The following RFPL4AL1 variants were observed in gnomAD, a reference collection of about 807,000 sequenced individuals.
RFPL4AL1 encodes ret finger protein-like 4A-like protein 1.
A neutral mutation model predicts 8.2 loss-of-function variants in RFPL4AL1; 2 were observed. The ratio of observed to expected loss-of-function variants is 0.24; its 90% CI spans 0.10 to 0.77. RFPL4AL1 has a LOEUF of 0.77. RFPL4AL1 is among the 30% of genes least tolerant of loss of function. RFPL4AL1 has a pLI of 0.72. For missense variants in RFPL4AL1, 57 were observed against 350.3 expected, an observed-to-expected ratio of 0.16 and a Z score of 6.68; for synonymous variants, 25 against 131.8, an observed-to-expected ratio of 0.19 and a Z score of 5.55.
chr19:55,769,465 T>C (rs1392771499), intron 1 of RFPL4AL1, among the ~76,000 whole-genome samples: 2 of 151,636 alleles, frequency 1.3e-5, no homozygotes, highest in Non-Finnish European at 2.9e-5. Context: ...CAACGTCAGG[T>C]TTTCCTATGG....
intron 1 of RFPL4AL1, among the ~76,000 whole-genome samples, chr19:55,769,658 G>A (rs1272682404): frequency 6.6e-6 from 1 of 151,842 alleles, no homozygotes; most frequent in Admixed American, 6.6e-5. Flanking sequence ...GCCAGATGCT[G>A]GGACCCACCT....
intron 1 of RFPL4AL1, among the ~76,000 whole-genome samples, chr19:55,769,846 C>T (rs2122662787): frequency 6.6e-6 from 1 of 151,980 alleles, no homozygotes; most frequent in South Asian, 2.1e-4. Flanking sequence ...CACTTCCCAT[C>T]ATGCCCTCGG....
intron 1 of RFPL4AL1, among the ~76,000 whole-genome samples, chr19:55,771,086 GTT>G (rs74183507): frequency 0.014 from 1,812 of 130,184 alleles, 23 homozygotes; most frequent in East Asian, 0.07. Context: ...TCTGTTTTTT[GTT>G]TTTTTTTTTT....
intron 1 of RFPL4AL1, among the ~76,000 whole-genome samples, 153 bp downstream of exon 1, chr19:55,769,328 A>T (rs1277392089): frequency 6.6e-6 from 1 of 152,078 alleles, no homozygotes; most frequent in African/African-American, 2.4e-5. Flanking sequence ...TGCCCTGGTA[A>T]CGGTTAGGCA....
chr19:55,770,669 T>A (rs927793651), intron 1 of RFPL4AL1, among the ~76,000 whole-genome samples: 29 of 152,112 alleles, frequency 1.9e-4, no homozygotes, highest in African/African-American at 6.0e-4. Flanking sequence ...ACTGTGGCAA[T>A]GCTTTGAAAC....
intron 1 of RFPL4AL1, among the ~76,000 whole-genome samples, chr19:55,769,685 T>G (rs1331996902): frequency 1.3e-5 from 2 of 151,808 alleles, no homozygotes; most frequent in Non-Finnish European, 2.9e-5. Flanking sequence ...GGATGGGGAT[T>G]CATTATTTCT....
At chr19:55,771,093 T>TG (rs1189424387) in intron 1 of RFPL4AL1, among the ~76,000 whole-genome samples, 25 of 149,144 alleles carry the variant, frequency 1.7e-4, no homozygotes, top group Admixed American at 2.7e-4. Context: ...TTTGTTTTTT[T>TG]TTTTTTTTTT....
At chr19:55,771,137 A>T in intron 1 of RFPL4AL1, among the ~76,000 whole-genome samples, 1 of 117,924 alleles carries the variant, frequency 8.5e-6, no homozygotes. Context: ...TTTACCTGGT[A>T]CGACTTATTT....
At chr19:55,770,037 C>T (rs968739071) in intron 1 of RFPL4AL1, among the ~76,000 whole-genome samples, 7 of 152,040 alleles carry the variant, frequency 4.6e-5, no homozygotes, top group Admixed American at 6.5e-5. Context: ...ATATGCTGAC[C>T]TCTTTCTTTC....
At chr19:55,769,264 C>G (rs1051998653) in intron 1 of RFPL4AL1, 89 bp downstream of exon 1, 1 of 151,936 alleles carries the variant, frequency 6.6e-6, no homozygotes, top group African/African-American at 2.4e-5. Context: ...CAAGTGTTGT[C>G]TGAGGCCAAC....
At position 55,769,183 on chromosome 19, in the gene RFPL4AL1, C is replaced by T. The variant is rs1343111400; in HGVS notation, c.-10+8C>T. 3 of 152,658 alleles carry T rather than the reference C, an allele frequency of 2.0e-5. No individual in the cohort carries two copies. Among genetic ancestry groups the T allele is most frequent in the Non-Finnish European group, 4.4e-5 (3 of 67,774 alleles). 9.5% of individuals were successfully genotyped at this position (152,658 alleles called of 1,614,324 possible). A position where few individuals can be genotyped will look rare whatever the true frequency, so the allele number is the denominator to read the frequency against. Reference sequence around the variant, plus strand: ...GAAACTCCAGAAGGAGAGGTGAGTTCAATCTTATGGAATTCATTTTTACAA... The same window carrying T: ...GAAACTCCAGAAGGAGAGGTGAGTTTAATCTTATGGAATTCATTTTTACAA... On this transcript the variant is annotated splice_region_variant and intron_variant, in intron 1 of 2. Coordinates refer to ENST00000341750, the MANE Select transcript of RFPL4AL1 (RefSeq NM_001277397.2).
In RFPL4AL1 at chr19:55,770,624, G is replaced by A. The variant is rs2547280; in HGVS notation, c.-9-1172G>A. On this transcript the variant is annotated intron_variant, in intron 1 of 2. Transcript: ENST00000341750. ...CTGGGGTCAGCCGTGACACTGCAGA[G>A]TGTGTGATTTAGTGTGGTAATGACC... 2.5e-3 allele frequency among the ~76,000 whole-genome samples: 384 copies of A among 151,292 alleles called. 4 individuals are homozygous for A. Among genetic ancestry groups the A allele is most frequent in the African/African-American group, 7.3e-3 (299 of 41,178 alleles).
intron 1 of RFPL4AL1, among the ~76,000 whole-genome samples, chr19:55,770,422 T>C (rs2122663711): frequency 6.6e-6 from 1 of 152,016 alleles, no homozygotes. Context: ...AAGCACACTG[T>C]TAGGAGAGAA....
chr19:55,770,695 G>A (rs556951448), intron 1 of RFPL4AL1, among the ~76,000 whole-genome samples: 4 of 152,022 alleles, frequency 2.6e-5, no homozygotes, highest in African/African-American at 4.8e-5. Context: ...AACTCCCTCC[G>A]GTTTTTTAGC....
chr19:55,770,564 G>C (rs1989472993), intron 1 of RFPL4AL1, among the ~76,000 whole-genome samples: 1 of 151,988 alleles, frequency 6.6e-6, no homozygotes, highest in South Asian at 2.1e-4. Context: ...TTTAGAATTG[G>C]TGAGGTACCC....
At chr19:55,771,531 C>T (rs3973381) in intron 1 of RFPL4AL1, among the ~76,000 whole-genome samples, 52,211 of 123,720 alleles carry the variant, frequency 0.42, 8,456 homozygotes, top group Admixed American at 0.5. Context: ...ATGAAACAGC[C>T]CAGGTGTAGA....
intron 1 of RFPL4AL1, 148 bp downstream of exon 1, chr19:55,769,323 TG>T (rs1989445434): frequency 6.6e-6 from 1 of 152,068 alleles, no homozygotes; most frequent in East Asian, 1.9e-4. Flanking sequence ...ACCTCTGCCC[TG>T]GTAACGGTTA....
Position 55,771,800 on chromosome 19 carries a change from T to G in RFPL4AL1, c.-5T>G, listed in dbSNP as rs189337518. 1.3e-6 allele frequency: 2 copies of G among 1,551,570 alleles called. No homozygotes were observed. The highest frequency in any genetic ancestry group is 3.9e-5 in the Admixed American group (2 of 50,890). On this transcript the variant is annotated 5_prime_UTR_variant, in exon 2 of 3. In the 5' UTR this introduces an upstream ATG that the reference lacks. Transcript: ENST00000341750. ...TGTTCATTTTTTTTTCTACAGACAT[T>G]TGCCATGGCTGAGCACTTCAAACAG...
chr19:55,770,925 T>G (rs2122664543), intron 1 of RFPL4AL1, among the ~76,000 whole-genome samples: 1 of 152,104 alleles, frequency 6.6e-6, no homozygotes, highest in Admixed American at 6.5e-5. Context: ...TGTGTGCTTT[T>G]CAGAGAAATG....
Sources: allele counts gnomAD v4.1 joint callset (sites outside exome capture counted in the v4.1 genomes callset), GRCh38; gene constraint gnomAD v4.1.1; transcripts MANE v1.5; gene names NCBI Gene and HGNC (gene_info 2026-07-23, HGNC 2026-07-21).